TMC4: variants seen among roughly 807,000 people sequenced by gnomAD.
TMC4 encodes the protein voltage-gated chloride channel TMC4.
Under a neutral mutation model 82.0 loss-of-function variants are expected in TMC4, and 70 were observed. That is an observed-to-expected ratio of 0.85 (90% CI 0.70 to 1.04). TMC4 has a LOEUF of 1.04. Among genes scored for constraint, TMC4 ranks in the 50% least tolerant of loss-of-function variants. The pLI is 0.00. For synonymous variants in TMC4, 446 were observed against 406.0 expected, an observed-to-expected ratio of 1.10 and a Z score of -1.18; for missense variants, 879 against 899.0, an observed-to-expected ratio of 0.98 and a Z score of 0.28.
rs1490221778 is a variant in TMC4, at chr19:54,161,028, G to A, written c.1823C>T (p.Pro608Leu). Residue 608 changes from proline (P) to leucine (L), a missense_variant, in exon 13 of 15, where the codon CCG becomes CTG. Pro to Leu is a moderately conservative substitution (Grantham distance 98). Transcript: ENST00000619895. ...VPLLYSIFLI[P>L]PSKLCGPFRG... Reference sequence around the variant, plus strand: ...GAATGGACCACACAGCTTAGAAGGCGGGATCCTGAAGTCAAGACAGGCTGG... The same window carrying A: ...GAATGGACCACACAGCTTAGAAGGCAGGATCCTGAAGTCAAGACAGGCTGG... 6 of 1,613,980 alleles carry A rather than the reference G, an allele frequency of 3.7e-6. No homozygotes were observed. The highest frequency in any genetic ancestry group is 3.4e-6 in the Non-Finnish European group (4 of 1,180,004).
chr19:54,163,681 C>T, intron 8 of TMC4, 43 bp downstream of exon 8: 1 of 1,610,376 alleles, frequency 6.2e-7, no homozygotes, highest in Non-Finnish European at 8.5e-7. Context: ...CTCTGACCGC[C>T]CCCACCCTTC....
At position 54,168,572 on chromosome 19, in the gene TMC4, C is replaced by G; in HGVS notation, c.551G>C (p.Trp184Ser). The G allele has an allele frequency of 6.3e-7, 1 of 1,584,834 alleles. No homozygotes were observed. Among genetic ancestry groups the G allele is most frequent in the African/African-American group, 1.3e-5 (1 of 74,382 alleles). ...AGGGCCTGGGGGAGCGCCTCCCAAC[C>G]AGGTGGGCAGCAGCGTCATGCAGGC... is the stretch of plus-strand genomic sequence containing the variant. ...LMACMTLLPT[W>S]LGGAPPGPPG... is the part of the protein sequence containing the mutation. Residue 184 changes from tryptophan to serine, a missense_variant, in exon 4 of 15, where the codon TGG becomes TCG. By Grantham distance (177) the Trp-to-Ser change is radical. Transcript: ENST00000619895.
chr19:54,163,516 C>T, intron 8 of TMC4: 1 of 641,400 alleles, frequency 1.6e-6, no homozygotes, highest in South Asian at 1.9e-5. Context: ...TCATGTTTGT[C>T]AGGCTGGTCT....
intron 6 of TMC4, among the ~76,000 whole-genome samples, chr19:54,164,935 C>G (rs1050440508): frequency 1.3e-5 from 2 of 152,174 alleles, no homozygotes; most frequent in Admixed American, 1.3e-4. Context: ...CCCAGGTGGC[C>G]CTGCGCTTTA....
chr19:54,160,346 C>A lies in TMC4; in HGVS notation c.2081G>T (p.Arg694Leu), dbSNP rs782581822. Residue 694 changes from arginine to leucine, a missense_variant, in exon 15 of 15, where the codon CGG (arginine) becomes CTG (leucine). Transcript: ENST00000619895. ...TEAQNKVFLA[R>L]RAVALTSTKP... is the part of the protein sequence containing the mutation. ...GGTGGAGGTCAGCGCCACAGCGCGC[C>A]GTGCCAGGAAGACTTTATTCTGCGC... 9 of 1,524,032 alleles carry A rather than the reference C, an allele frequency of 5.9e-6. No individual in the cohort carries two copies. The highest frequency in any genetic ancestry group is 4.4e-5 in the Admixed American group (2 of 45,300). 94.4% of individuals were successfully genotyped at this position (1,524,032 alleles called of 1,614,324 possible). A position where few individuals can be genotyped will look rare whatever the true frequency, so the allele number is the denominator to read the frequency against.
chr19:54,162,313 A>G, intron 10 of TMC4, 28 bp from the exon 11 acceptor site: 2 of 1,242,572 alleles, frequency 1.6e-6, no homozygotes, highest in African/African-American at 1.9e-5. Flanking sequence ...GCCGGGCCGG[A>G]GTCAGGGGAG....
At chr19:54,171,833 C>T (rs747491863) in intron 2 of TMC4, 37 bp downstream of exon 2, 18 of 1,544,154 alleles carry the variant, frequency 1.2e-5, no homozygotes, top group African/African-American at 2.7e-5. Flanking sequence ...GGGCCCGGTC[C>T]GGGCTGTGCG....
At chr19:54,169,796 A>C in intron 2 of TMC4, 136 bp from the exon 3 acceptor site, 1 of 1,291,478 alleles carries the variant, frequency 7.7e-7, no homozygotes, top group East Asian at 2.7e-5. Flanking sequence ...CTGTAGCAAT[A>C]AAAAAGAAAC....
At chr19:54,168,063 CAAA>C in intron 5 of TMC4, 105 bp downstream of exon 5, 2 of 1,046,734 alleles carry the variant, frequency 1.9e-6, no homozygotes, top group Non-Finnish European at 2.6e-6. Flanking sequence ...AACTCCGTCT[CAAA>C]AAAAAAAAGA....
chr19:54,166,952 CA>C (rs35524179), intron 5 of TMC4, among the ~76,000 whole-genome samples: 36,863 of 139,024 alleles, frequency 0.27, 4,684 homozygotes, highest in East Asian at 0.5. Context: ...GACTCCGTCT[CA>C]AAAAAAAAAA....
chr19:54,161,042 A>C lies in TMC4; in HGVS notation c.1818-9T>G. ...GCTTAGAAGGCGGGATCCTGAAGTC[A>C]AGACAGGCTGGGCTCACATAGTGCC... On this transcript the variant is annotated splice_polypyrimidine_tract_variant and intron_variant, in intron 12 of 14. Transcript: ENST00000619895. 6.2e-7 allele frequency: 1 copy of C among 1,614,058 alleles called. No homozygotes were observed. Among genetic ancestry groups the C allele is most frequent in the Non-Finnish European group, 8.5e-7 (1 of 1,179,978 alleles).
chr19:54,170,683 A>T (rs1255096098), intron 2 of TMC4, among the ~76,000 whole-genome samples: 2 of 151,932 alleles, frequency 1.3e-5, no homozygotes, highest in African/African-American at 4.8e-5. Flanking sequence ...TCCAGGCTGG[A>T]GTGCGGTGGT....
At chr19:54,171,830 G>T in intron 2 of TMC4, 40 bp downstream of exon 2, 1 of 1,541,570 alleles carries the variant, frequency 6.5e-7, no homozygotes, top group Non-Finnish European at 8.8e-7. Context: ...GAAGGGCCCG[G>T]TCCGGGCTGT....
At chr19:54,172,656 C>A in intron 1 of TMC4, 1 of 278,552 alleles carries the variant, frequency 3.6e-6, no homozygotes, top group Middle Eastern at 1.1e-3. Context: ...CCTCTACTTC[C>A]CCTGGACCCA....
At chr19:54,160,799 C>T in intron 13 of TMC4, 79 bp downstream of exon 13, 4 of 1,552,450 alleles carry the variant, frequency 2.6e-6, no homozygotes, top group Non-Finnish European at 3.5e-6. Flanking sequence ...ACGCCCAAGC[C>T]TCTCCTCTCT....
Position 54,160,392 on chromosome 19 carries a change from G to A in TMC4, c.2053-18C>T. The A allele has an allele frequency of 1.3e-6, 2 of 1,565,928 alleles. No individual in the cohort carries two copies. Among genetic ancestry groups the A allele is most frequent in the Non-Finnish European group, 1.7e-6 (2 of 1,153,272 alleles). On this transcript the variant is annotated intron_variant, in intron 14 of 14. Transcript: ENST00000619895. ...TGCGCCTCCTGGGGCAAAGAGAGGT[G>A]GAGGTGAGACAATCCTCTTCCCCAA...
In TMC4 at chr19:54,169,568, G is replaced by A; in HGVS notation, c.386C>T (p.Thr129Ile). The A allele has an allele frequency of 6.2e-7, 1 of 1,613,802 alleles. No homozygotes were observed. The highest frequency in any genetic ancestry group is 8.5e-7 in the Non-Finnish European group (1 of 1,179,984). ...CTGCAGGCTTCGCAAGCCTTCCTTT[G>A]TTTTCTCCTTGGACCTCCGAAGTAG... ...ARLLRRSKEKTKEGLRSLQPW... is the reference protein window; with the variant it reads ...ARLLRRSKEKIKEGLRSLQPW... The change falls in exon 3 of 15, where the codon ACA becomes ATA. Residue 129 changes from threonine to isoleucine, a missense_variant. Transcript: ENST00000619895.
At position 54,168,795 on chromosome 19, in the gene TMC4, TTC is replaced by T. The variant is rs1491444381; in HGVS notation, c.443-117_443-116del. ...CCTTTCTTTCTTTCTTTTCTTTTCTTTCTTTTCTTTTCTTTTCTTTTCTTTTC... is the reference window on the plus strand; with the variant it reads ...CCTTTCTTTCTTTCTTTTCTTTTCTTTTTTCTTTTCTTTTCTTTTCTTTTC... On this transcript the variant is annotated intron_variant, in intron 3 of 14. Coordinates refer to ENST00000619895, the MANE Select transcript of TMC4 (RefSeq NM_144686.4). The T allele has an allele frequency of 1.5e-4, 7 of 45,498 alleles. 2 individuals are homozygous for T. Among genetic ancestry groups the T allele is most frequent in the Admixed American group, 5.7e-4 (1 of 1,742 alleles). The allele number at this position is 45,498 out of a possible 1,614,324, so 2.8% of individuals were successfully genotyped here. A position where few individuals can be genotyped will look rare whatever the true frequency, so the allele number is the denominator to read the frequency against.
rs752013205 is a variant in TMC4 at position 54,161,279 on chromosome 19, G to A, written c.1687-19C>T. ...GGGTAAGCTGGTGGGGGAAGGCACG[G>A]AGAAAAGGGCTCTGAAACACAAGAG... On this transcript the variant is annotated intron_variant, in intron 11 of 14. Coordinates refer to ENST00000619895, the MANE Select transcript of TMC4 (RefSeq NM_144686.4). 8.0e-6 allele frequency: 12 copies of A among 1,498,898 alleles called. No individual in the cohort carries two copies. The highest frequency in any genetic ancestry group is 9.8e-6 in the Non-Finnish European group (11 of 1,124,440). 92.8% of individuals were successfully genotyped at this position (1,498,898 alleles called of 1,614,324 possible). A position where few individuals can be genotyped will look rare whatever the true frequency, so the allele number is the denominator to read the frequency against.
Sources: gnomAD v4.1 joint callset for allele counts (sites outside exome capture counted in the v4.1 genomes callset) on GRCh38, gnomAD v4.1.1 for gene constraint, MANE v1.5 for transcripts, NCBI Gene and HGNC (gene_info 2026-07-23, HGNC 2026-07-21) for gene names.